PDYN: variants seen among roughly 807,000 people sequenced by gnomAD.
PDYN encodes the protein proenkephalin-B.
Under a neutral mutation model 11.4 loss-of-function variants are expected in PDYN, and 5 were observed. The observed-to-expected ratio is 0.44, with a 90% confidence interval of 0.23 to 0.92. The LOEUF (loss-of-function observed/expected upper bound fraction) is 0.92, where lower values mean the gene tolerates loss of function less well. Ranked by LOEUF, PDYN falls within the 40% of genes least tolerant of loss-of-function variation. The probability of loss-of-function intolerance (pLI) is 0.24; values close to 1 mark genes in which losing one functional copy is unlikely to be tolerated. For synonymous variants in PDYN, 132 were observed against 129.5 expected (o/e 1.02, Z -0.13); for missense variants, 337 against 317.3 (o/e 1.06, Z -0.47).
At chr20:1,991,879 C>G (rs1214469149) in intron 2 of PDYN, among the ~76,000 whole-genome samples, 1 of 152,018 alleles carries the variant, frequency 6.6e-6, no homozygotes, top group African/African-American at 2.4e-5. Context: ...AAAAAGTCTT[C>G]TGCTGGGATG....
At chr20:1,987,743 T>C (rs1020441875) in intron 2 of PDYN, among the ~76,000 whole-genome samples, 2 of 152,228 alleles carry the variant, frequency 1.3e-5, no homozygotes, top group African/African-American at 4.8e-5. Flanking sequence ...GACTTAGCTT[T>C]ACTGTGCCTC....
chr20:1,980,849 T>G lies in PDYN; in HGVS notation c.239A>C (p.Glu80Ala). 1.2e-6 allele frequency: 2 copies of G among 1,614,146 alleles called. No individual in the cohort carries two copies. The highest frequency in any genetic ancestry group is 1.7e-6 in the Non-Finnish European group (2 of 1,180,018). ...TPSTLGLNDK[E>A]DLGSKSVGEG... ...CCCAACCGACTTGCTCCCCAAGTCC[T>G]CCTTGTCATTGAGCCCAAGGGTGGA... Residue 80 changes from glutamate to alanine, a missense_variant, in exon 4 of 4, where the codon GAG (glutamate) becomes GCG (alanine). Physicochemically the swap from Glu to Ala is moderately radical, Grantham distance 107 (BLOSUM62 -1). Transcript: ENST00000217305.
Position 1,980,541 on chromosome 20 carries a change from G to T in PDYN, c.547C>A (p.Pro183Thr), listed in dbSNP as rs1987686544. Residue 183 changes from proline (P) to threonine (T), a missense_variant, in exon 4 of 4, where the codon CCC (proline) becomes ACC (threonine). Coordinates refer to ENST00000217305, the MANE Select transcript of PDYN (RefSeq NM_024411.5). ...KRYGGFLRKY[P>T]KRSSEVAGEG... ...CCAGCCACCTCTGAGCTCCTCTTGG[G>T]GTATTTGCGCAAAAAGCCCCCATAG... 6.2e-7 allele frequency: 1 copy of T among 1,613,772 alleles called. No individual in the cohort carries two copies. Among genetic ancestry groups the T allele is most frequent in the East Asian group, 2.2e-5 (1 of 44,868 alleles).
At chr20:1,987,960 T>C (rs1988263272) in intron 2 of PDYN, among the ~76,000 whole-genome samples, 1 of 151,896 alleles carries the variant, frequency 6.6e-6, no homozygotes. Flanking sequence ...AAAGGAGAGA[T>C]CATAAAGAGC....
chr20:1,981,018 C>G, intron 3 of PDYN, 60 bp from the exon 4 acceptor site: 1 of 1,593,652 alleles, frequency 6.3e-7, no homozygotes, highest in Non-Finnish European at 8.6e-7. Flanking sequence ...ACTGGTCTGC[C>G]CCAGGCTCCC....
chr20:1,986,653 T>C (rs931607388), intron 2 of PDYN, among the ~76,000 whole-genome samples: 9 of 152,160 alleles, frequency 5.9e-5, no homozygotes, highest in Non-Finnish European at 1.0e-4. Flanking sequence ...ACTAATATTC[T>C]CCCCATTTAT....
At chr20:1,990,916 G>A (rs554552949) in intron 2 of PDYN, among the ~76,000 whole-genome samples, 7 of 151,524 alleles carry the variant, frequency 4.6e-5, no homozygotes, top group African/African-American at 9.7e-5. Context: ...CCGAGACACC[G>A]AGAAAAAGCA....
chr20:1,982,840 G>A (rs1987911553), intron 3 of PDYN, 116 bp downstream of exon 3: 5 of 1,125,678 alleles, frequency 4.4e-6, no homozygotes, highest in African/African-American at 1.5e-5. Context: ...ACCCTGCACA[G>A]GTGGGATGGA....
Position 1,983,010 on chromosome 20 carries a change from C to G in PDYN, c.75G>C (p.Arg25=). 6.2e-7 allele frequency: 1 copy of G among 1,614,064 alleles called. No homozygotes were observed. Among genetic ancestry groups the G allele is most frequent in the Non-Finnish European group, 8.5e-7 (1 of 1,179,994 alleles). Residue 25 remains arginine, a synonymous_variant, in exon 3 of 4, where the codon CGG becomes CGC. Coordinates refer to ENST00000217305, the MANE Select transcript of PDYN (RefSeq NM_024411.5). ...FPSTTADCLS[R]CSLCAVKTQD... is the part of the protein sequence containing the mutation. ...GGGTCTTTACAGCACACAAGGAGCA[C>G]CGCGACAGGCAGTCCGCTGTGGTGG...
Position 1,980,874 on chromosome 20 carries a change from AG to A in PDYN, c.213del (p.Ser72ProfsTer32), listed in dbSNP as rs1568536739. ...RCQSFLSFFT[P>X]STLGLNDKED... ...TCCTTGTCATTGAGCCCAAGGGTGG[AG>A]GGGGTGAAAAAAGACAGAAAGCTCT... On this transcript the variant is annotated frameshift_variant, in exon 4 of 4. Transcript: ENST00000217305. LOFTEE classifies it low-confidence loss of function (END_TRUNC). 3 of 1,614,152 alleles carry A rather than the reference AG, an allele frequency of 1.9e-6. No individual in the cohort carries two copies. In the Admixed American group the frequency reaches 5.0e-5, roughly 27 times the overall value.
intron 1 of PDYN, among the ~76,000 whole-genome samples, chr20:1,993,052 C>CTT (rs57340342): frequency 0.099 from 11,385 of 115,124 alleles, 639 homozygotes; most frequent in African/African-American, 0.12. Context: ...AGTCAGCAGG[C>CTT]TTTTTTTTTT....
chr20:1,982,843 G>A, intron 3 of PDYN, 113 bp downstream of exon 3: 1 of 1,148,004 alleles, frequency 8.7e-7, no homozygotes, highest in South Asian at 1.3e-5. Flanking sequence ...CTGCACAGGT[G>A]GGATGGATCT....
At chr20:1,985,057 C>G (rs1287984756) in intron 2 of PDYN, among the ~76,000 whole-genome samples, 1 of 152,170 alleles carries the variant, frequency 6.6e-6, no homozygotes, top group Non-Finnish European at 1.5e-5. Flanking sequence ...ATGCTTCGCC[C>G]AGCATGGTCT....
chr20:1,989,934 G>A (rs890291241), intron 2 of PDYN, among the ~76,000 whole-genome samples: 3 of 152,134 alleles, frequency 2.0e-5, no homozygotes, highest in Admixed American at 1.3e-4. Context: ...TGGACCCTAC[G>A]GGGCAGGGGC....
At chr20:1,985,221 C>T (rs1988107748) in intron 2 of PDYN, among the ~76,000 whole-genome samples, 1 of 152,174 alleles carries the variant, frequency 6.6e-6, no homozygotes, top group South Asian at 2.1e-4. Context: ...GTAGCCAGAG[C>T]AGGGTCTCCC....
At chr20:1,990,137 A>T (rs1228630409) in intron 2 of PDYN, among the ~76,000 whole-genome samples, 1 of 152,198 alleles carries the variant, frequency 6.6e-6, no homozygotes, top group African/African-American at 2.4e-5. Flanking sequence ...CTTGAAGAGA[A>T]TCCAGTGGGT....
In PDYN at chr20:1,979,178, C is replaced by T. The variant is rs1987558297; in HGVS notation, c.*1145G>A. ...GCCTCAAGCACTTAATCATTTTATT[C>T]CTCTTTCTGGTTTTATTTTGAGACA... On this transcript the variant is annotated 3_prime_UTR_variant, in exon 4 of 4. Transcript: ENST00000217305. The T allele has an allele frequency of 2.6e-5, 4 of 152,158 alleles. No homozygotes were observed. 9.4% of individuals were successfully genotyped at this position (152,158 alleles called of 1,614,324 possible).
rs764790414 is a variant in PDYN, at chr20:1,980,890, C to T, written c.198G>A (p.Leu66=). The change falls in exon 4 of 4, where the codon CTG becomes CTA. Residue 66 remains leucine (L), a synonymous_variant. Transcript: ENST00000217305. ...SEEWERCQSF[L]SFFTPSTLGL... ...CAAGGGTGGAGGGGGTGAAAAAAGA[C>T]AGAAAGCTCTGGCATCTCTCCCATT... is the stretch of plus-strand genomic sequence containing the variant. The T allele has an allele frequency of 3.7e-6, 6 of 1,614,224 alleles. No individual in the cohort carries two copies. The highest frequency in any genetic ancestry group is 5.1e-6 in the Non-Finnish European group (6 of 1,180,046).
Position 1,980,229 on chromosome 20 carries a change from G to A in PDYN, c.*94C>T. On this transcript the variant is annotated 3_prime_UTR_variant, in exon 4 of 4. Transcript: ENST00000217305. ...TTGTACACAATGCTGAGCTGAGCAT[G>A]GGGAAGGGGCACATATAAGAGGATG... is the stretch of plus-strand genomic sequence containing the variant. 1 of 1,226,010 alleles carries A rather than the reference G, an allele frequency of 8.2e-7. No individual in the cohort carries two copies. The highest frequency in any genetic ancestry group is 1.2e-6 in the Non-Finnish European group (1 of 829,506). 75.9% of individuals were successfully genotyped at this position (1,226,010 alleles called of 1,614,324 possible).
Sources: gnomAD v4.1 joint callset for allele counts (sites outside exome capture counted in the v4.1 genomes callset) on GRCh38, gnomAD v4.1.1 for gene constraint, MANE v1.5 for transcripts, NCBI Gene and HGNC (gene_info 2026-07-23, HGNC 2026-07-21) for gene names.